UBR1: variants seen among roughly 807,000 people sequenced by gnomAD.
The protein encoded by UBR1 is E3 ubiquitin-protein ligase UBR1.
A neutral mutation model predicts 242.1 loss-of-function variants in UBR1; 102 were observed. The ratio of observed to expected loss-of-function variants is 0.42; its 90% CI spans 0.36 to 0.50. The LOEUF is 0.50. Among genes scored for constraint, UBR1 ranks in the 20% least tolerant of loss-of-function variants. The pLI is 0.01. For missense variants in UBR1, 1,772 were observed against 2,101.8 expected (o/e 0.84, Z 3.07); for synonymous variants, 675 against 684.8 (o/e 0.99, Z 0.22).
intron 38 of UBR1, among the ~76,000 whole-genome samples, chr15:42,977,385 G>C (rs2032307275): frequency 6.6e-6 from 1 of 152,148 alleles, no homozygotes; most frequent in South Asian, 2.1e-4. Flanking sequence ...TTTCTCTACG[G>C]AACTTGGTTT....
intron 1 of UBR1, among the ~76,000 whole-genome samples, chr15:43,097,014 T>A (rs1814748508): frequency 6.6e-6 from 1 of 152,082 alleles, no homozygotes; most frequent in East Asian, 1.9e-4. Flanking sequence ...TTTGCCCACA[T>A]CTATCAGAGG....
Position 42,957,574 on chromosome 15 carries a change from T to TA in UBR1, c.4835+438dup, listed in dbSNP as rs35245905. On this transcript the variant is annotated intron_variant, in intron 44 of 46. Coordinates refer to ENST00000290650, the MANE Select transcript of UBR1 (RefSeq NM_174916.3). ...ATGAAGGATACTCAGAGGTCACCGC[T>TA]AAAAAAGGAAATTTGTGGCCAGGTG... Among the ~76,000 whole-genome samples the TA allele has an allele frequency of 3.2e-3, 489 of 152,188 alleles. 1 individual carries two copies. Among genetic ancestry groups the TA allele is most frequent in the Middle Eastern group, 0.02 (6 of 294 alleles).
chr15:43,080,130 T>C (rs2033958836), intron 3 of UBR1, among the ~76,000 whole-genome samples: 1 of 152,234 alleles, frequency 6.6e-6, no homozygotes, highest in Admixed American at 6.5e-5. Context: ...TACTCAATGC[T>C]ACTGCCGTAT....
Position 43,015,809 on chromosome 15 carries a change from G to C in UBR1, c.3088C>G (p.Arg1030Gly). Residue 1030 changes from arginine to glycine, a missense_variant, in exon 29 of 47, where the codon CGC becomes GGC. Physicochemically the swap from Arg to Gly is moderately radical, Grantham distance 125. Coordinates refer to ENST00000290650, the MANE Select transcript of UBR1 (RefSeq NM_174916.3). ...GACATCTGAGCCATGATCTTCTGGC[G>C]ATGTAGCCTAGCAGCTTCAGCTTTT... is the stretch of plus-strand genomic sequence containing the variant. ...KRKAEAARLH[R>G]QKIMAQMSAL... 6.2e-7 allele frequency: 1 copy of C among 1,614,136 alleles called. No homozygotes were observed. The highest frequency in any genetic ancestry group is 8.5e-7 in the Non-Finnish European group (1 of 1,180,030).
chr15:43,004,030 A>G (rs1413153914), intron 30 of UBR1, 100 bp from the exon 31 acceptor site: 5 of 980,784 alleles, frequency 5.1e-6, no homozygotes, highest in South Asian at 3.9e-5. Context: ...AAGTGTCACA[A>G]TATCATGATA....
At chr15:42,978,817 C>A (rs1270823253) in intron 37 of UBR1, among the ~76,000 whole-genome samples, 5 of 151,214 alleles carry the variant, frequency 3.3e-5, no homozygotes, top group African/African-American at 9.7e-5. Flanking sequence ...CAACCTCCGC[C>A]TCCCAGGTTC....
chr15:43,101,408 G>A (rs1046796826), intron 1 of UBR1, among the ~76,000 whole-genome samples: 1 of 152,170 alleles, frequency 6.6e-6, no homozygotes, highest in African/African-American at 2.4e-5. Context: ...GGACTACATG[G>A]GTGGAGACAG....
intron 33 of UBR1, among the ~76,000 whole-genome samples, chr15:42,992,104 T>C (rs1017951738): frequency 2.8e-4 from 43 of 152,182 alleles, no homozygotes; most frequent in African/African-American, 9.7e-4. Context: ...TCCAGTATTT[T>C]TTCAATTCTA....
chr15:43,072,229 A>T (rs1208967773), intron 4 of UBR1, among the ~76,000 whole-genome samples: 1 of 152,192 alleles, frequency 6.6e-6, no homozygotes, highest in Non-Finnish European at 1.5e-5. Context: ...GTAATACACC[A>T]TATAAACAGA....
At chr15:42,996,982 A>C (rs1170326968) in intron 33 of UBR1, among the ~76,000 whole-genome samples, 1 of 152,168 alleles carries the variant, frequency 6.6e-6, no homozygotes, top group African/African-American at 2.4e-5. Context: ...AGGGGTCCTC[A>C]ACCCCAGGGC....
intron 29 of UBR1, among the ~76,000 whole-genome samples, chr15:43,012,796 T>C (rs543063603): frequency 6.6e-6 from 1 of 152,370 alleles, no homozygotes; most frequent in African/African-American, 2.4e-5. Flanking sequence ...AATATAATCA[T>C]TATTCTTTAT....
intron 39 of UBR1, among the ~76,000 whole-genome samples, chr15:42,975,085 G>A (rs148132252): frequency 2.1e-3 from 319 of 152,082 alleles, no homozygotes; most frequent in African/African-American, 7.1e-3. Flanking sequence ...TAGTAGAGAC[G>A]GGGTTTCACA....
Position 43,047,178 on chromosome 15 carries a change from C to T in UBR1, c.1651G>A (p.Glu551Lys). The change falls in exon 14 of 47, where the codon GAG becomes AAG. Residue 551 changes from glutamate to lysine, a missense_variant. This residue lies in a region of UBR1 where 734 missense variants were observed against 893.3 expected (regional missense o/e 0.82). Coordinates refer to ENST00000290650, the MANE Select transcript of UBR1 (RefSeq NM_174916.3). ...TTACTTACATCACAAGCACACCACT[C>T]TTGGAACATGAGTAAAATATTCTTC... is the stretch of plus-strand genomic sequence containing the variant. ...QLKNILLMFQ[E>K]WCACDEELLL... 1.2e-6 allele frequency: 2 copies of T among 1,614,134 alleles called. No individual in the cohort carries two copies. The highest frequency in any genetic ancestry group is 2.2e-5 in the South Asian group (2 of 91,074).
intron 35 of UBR1, among the ~76,000 whole-genome samples, chr15:42,987,242 G>A (rs964528535): frequency 1.3e-5 from 2 of 152,214 alleles, no homozygotes; most frequent in African/African-American, 4.8e-5. Flanking sequence ...CAATGTAGGC[G>A]GAGGCTCACT....
At chr15:43,075,437 A>T (rs1376246195) in intron 3 of UBR1, among the ~76,000 whole-genome samples, 1 of 150,490 alleles carries the variant, frequency 6.6e-6, no homozygotes, top group Non-Finnish European at 1.5e-5. Flanking sequence ...AACACCTAGA[A>T]TTTTTTTTTT....
At chr15:43,049,375 A>T (rs1039443297) in intron 12 of UBR1, among the ~76,000 whole-genome samples, 1 of 152,194 alleles carries the variant, frequency 6.6e-6, no homozygotes, top group Non-Finnish European at 1.5e-5. Flanking sequence ...CATCCTGGCT[A>T]ACACAGTGAA....
chr15:43,028,114 T>G (rs1274233372), intron 21 of UBR1, among the ~76,000 whole-genome samples: 1 of 152,196 alleles, frequency 6.6e-6, no homozygotes, highest in Non-Finnish European at 1.5e-5. Flanking sequence ...ACACACATAG[T>G]ATTACCAATA....
intron 6 of UBR1, among the ~76,000 whole-genome samples, chr15:43,061,583 A>G (rs2033687480): frequency 6.6e-6 from 1 of 152,084 alleles, no homozygotes; most frequent in Non-Finnish European, 1.5e-5. Context: ...ACACACACAC[A>G]TATATGTATA....
rs746922418 is a variant in UBR1 at position 43,067,936 on chromosome 15, C to T, written c.760G>A (p.Ala254Thr). 154 of 1,613,694 alleles carry T rather than the reference C, an allele frequency of 9.5e-5. No homozygotes were observed. The highest frequency in any genetic ancestry group is 1.6e-4 in the Middle Eastern group (1 of 6,082). ...GCAGTGGTATGCAACTGGGCCTCTG[C>T]GAGCTCACAGTCAAGAGCTCTTTGT... ...SLQRALDCEL[A>T]EAQLHTTAID... The change falls in exon 6 of 47, where the codon GCA becomes ACA. Residue 254 changes from alanine to threonine, a missense_variant. By Grantham distance (58) the Ala-to-Thr change is moderately conservative. Around this residue, in one of 3 missense-constraint regions of UBR1, gnomAD observed 734 missense variants for 893.3 expected, o/e 0.82. Transcript: ENST00000290650.
Sources: allele counts gnomAD v4.1 joint callset (sites outside exome capture counted in the v4.1 genomes callset), GRCh38; gene constraint gnomAD v4.1.1; regional missense constraint gnomAD v4.1.1; transcripts MANE v1.5; gene names NCBI Gene and HGNC (gene_info 2026-07-23, HGNC 2026-07-21).